The following IST1 variants were observed in gnomAD, a reference collection of about 807,000 sequenced individuals.
IST1 encodes the protein IST1 homolog.
Under a neutral mutation model 37.0 loss-of-function variants are expected in IST1, and 23 were observed. The observed-to-expected ratio is 0.62, with a 90% CI of 0.45 to 0.88. IST1 has a LOEUF of 0.88. Among genes scored for constraint, IST1 ranks in the 40% least tolerant of loss-of-function variants. The pLI, the probability that IST1 is intolerant of heterozygous loss-of-function variation, is 0.00. For missense variants in IST1, 488 were observed against 445.4 expected, an observed-to-expected ratio of 1.10 and a Z score of -0.86; for synonymous variants, 180 against 161.7, an observed-to-expected ratio of 1.11 and a Z score of -0.86.
chr16:71,918,488 C>T (rs940346492), intron 4 of IST1, among the ~76,000 whole-genome samples: 1 of 147,292 alleles, frequency 6.8e-6, no homozygotes, highest in African/African-American at 2.5e-5. Flanking sequence ...ACAATTTTGG[C>T]TCACTGCAAC....
chr16:71,908,191 C>G (rs956919174), intron 1 of IST1, among the ~76,000 whole-genome samples: 5 of 152,066 alleles, frequency 3.3e-5, no homozygotes, highest in Admixed American at 2.6e-4. Flanking sequence ...ATCCACCCGC[C>G]TCTGCCTCCC....
At chr16:71,918,341 A>G (rs544525203) in intron 4 of IST1, among the ~76,000 whole-genome samples, 18 of 151,914 alleles carry the variant, frequency 1.2e-4, no homozygotes, top group East Asian at 1.2e-3. Flanking sequence ...CAATAGTCCA[A>G]TAGGGTACCA....
intron 4 of IST1, among the ~76,000 whole-genome samples, chr16:71,919,469 G>A (rs1346010992): frequency 6.6e-6 from 1 of 152,196 alleles, no homozygotes; most frequent in Non-Finnish European, 1.5e-5. Context: ...CTGCAGCCTC[G>A]GCTTCCTGGG....
intron 8 of IST1, chr16:71,924,544 T>G: frequency 1.7e-6 from 1 of 588,070 alleles, no homozygotes; most frequent in East Asian, 2.8e-5. Flanking sequence ...TGAGCCGTGA[T>G]TGTATCACTG....
chr16:71,924,221 T>C (rs2037682864), intron 8 of IST1: 1 of 453,994 alleles, frequency 2.2e-6, no homozygotes, highest in African/African-American at 2.0e-5. Flanking sequence ...TCTTAAGATA[T>C]ATTCAAGAAT....
intron 1 of IST1, among the ~76,000 whole-genome samples, chr16:71,898,673 A>C (rs924542676): frequency 9.9e-5 from 15 of 150,930 alleles, no homozygotes; most frequent in Admixed American, 2.0e-4. Context: ...AAAAAAAAAA[A>C]AAAAACAAAA....
At chr16:71,921,189 G>A (rs566101999) in intron 5 of IST1, 154 bp from the exon 6 acceptor site, 3 of 620,944 alleles carry the variant, frequency 4.8e-6, no homozygotes, top group South Asian at 3.8e-5. Context: ...CCTCTGATGT[G>A]TCTTGTGACT....
chr16:71,921,622 G>T, intron 6 of IST1, 169 bp downstream of exon 6: 1 of 550,110 alleles, frequency 1.8e-6, no homozygotes, highest in Non-Finnish European at 3.3e-6. Context: ...GGGTACTTAA[G>T]GAATTAGATG....
chr16:71,924,344 T>A (rs2037685740), intron 8 of IST1: 2 of 378,868 alleles, frequency 5.3e-6, no homozygotes, highest in Admixed American at 3.5e-5. Flanking sequence ...GCGGGGTGGT[T>A]CACGCCTGTA....
rs779306705 is a variant in IST1 at position 71,930,060 on chromosome 16, ACTTT to A, written c.*2256_*2259del. 7.9e-5 allele frequency: 122 copies of A among 1,549,006 alleles called. No individual in the cohort carries two copies. The highest frequency in any genetic ancestry group is 5.0e-4 in the Middle Eastern group (3 of 5,974). On this transcript the variant is annotated 3_prime_UTR_variant, in exon 10 of 10. Transcript: ENST00000378799. ...ATCTTTTAGTTACCTACCTTAAGCG[ACTTT>A]CTTTCTTTTCCAAAGGCCATGAGAA...
At chr16:71,896,221 G>C (rs993114661) in intron 1 of IST1, among the ~76,000 whole-genome samples, 1 of 152,062 alleles carries the variant, frequency 6.6e-6, no homozygotes, top group African/African-American at 2.4e-5. Context: ...TCTCCTCTTT[G>C]TTTTTCTCGG....
chr16:71,902,109 G>C (rs2037122000), intron 1 of IST1, among the ~76,000 whole-genome samples: 1 of 152,160 alleles, frequency 6.6e-6, no homozygotes, highest in Non-Finnish European at 1.5e-5. Flanking sequence ...ATAACACAAT[G>C]TGCTAATTTC....
At chr16:71,894,802 T>C (rs571676352), upstream of IST1, 55 of 1,526,124 alleles carry the variant, frequency 3.6e-5, no homozygotes, top group Admixed American at 7.9e-5. Context: ...CTCAAAGTGC[T>C]GGGAAGGTCC....
At chr16:71,907,356 C>T (rs35535529) in intron 1 of IST1, among the ~76,000 whole-genome samples, 37,618 of 150,688 alleles carry the variant, frequency 0.25, 4,939 homozygotes, top group Non-Finnish European at 0.28. Context: ...CCGCTCACTG[C>T]AAGCTTCGCC....
chr16:71,926,560 A>G (rs1223731052), intron 9 of IST1, among the ~76,000 whole-genome samples: 1 of 151,782 alleles, frequency 6.6e-6, no homozygotes, highest in Admixed American at 6.6e-5. Context: ...GTTAGCCAGG[A>G]TGGTCTTGAT....
rs777977211 is a variant in IST1 at position 71,923,339 on chromosome 16, C to A, written c.811C>A (p.His271Asn). 1.9e-6 allele frequency: 3 copies of A among 1,612,624 alleles called. No homozygotes were observed. In the South Asian group the frequency reaches 3.3e-5, roughly 18 times the overall value. Residue 271 changes from histidine to asparagine, a missense_variant, in exon 8 of 10, where the codon CAT becomes AAT. By Grantham distance (68) the His-to-Asn change is moderately conservative. This residue lies in a region of IST1 where 455 missense variants were observed against 386.2 expected (regional missense o/e 1.18). Transcript: ENST00000378799. ...MGTYQAFPNI[H>N]PPQIPATPPS... is the part of the protein sequence containing the mutation. ...GACTTATCAGGCCTTTCCCAATATT[C>A]ATCCACCTCAGATACCAGCAACTCC...
chr16:71,926,549 TGTTAGCCAGGATG>T (rs2037748411), intron 9 of IST1, among the ~76,000 whole-genome samples: 1 of 151,990 alleles, frequency 6.6e-6, no homozygotes, highest in African/African-American at 2.4e-5. Context: ...GGTTTCACCA[TGTTAGCCAGGATG>T]GTCTTGATCT....
At chr16:71,901,213 GT>G (rs1385999842) in intron 1 of IST1, among the ~76,000 whole-genome samples, 1 of 151,498 alleles carries the variant, frequency 6.6e-6, no homozygotes, top group African/African-American at 2.4e-5. Context: ...CAGTCTTTTG[GT>G]TTTTTTTCTT....
At chr16:71,918,711 G>A (rs11649672) in intron 4 of IST1, among the ~76,000 whole-genome samples, 1 of 152,078 alleles carries the variant, frequency 6.6e-6, no homozygotes, top group Non-Finnish European at 1.5e-5. Context: ...CCACCATGTT[G>A]AGCCGTTTTT....
Sources: allele counts gnomAD v4.1 joint callset (sites outside exome capture counted in the v4.1 genomes callset), GRCh38; gene constraint gnomAD v4.1.1; regional missense constraint gnomAD v4.1.1; transcripts MANE v1.5; gene names NCBI Gene and HGNC (gene_info 2026-07-23, HGNC 2026-07-21).